PTPRR: variants seen among roughly 807,000 people sequenced by gnomAD.
The protein encoded by PTPRR is protein tyrosine phosphatase receptor type R, also known as receptor-type tyrosine-protein phosphatase R.
A neutral mutation model predicts 77.2 loss-of-function variants in PTPRR; 38 were observed. The observed-to-expected ratio is 0.49, with a 90% confidence interval of 0.38 to 0.65. The LOEUF (loss-of-function observed/expected upper bound fraction) is 0.65, where lower values mean the gene tolerates loss of function less well. Ranked by LOEUF, PTPRR falls within the 30% of genes least tolerant of loss-of-function variation. The pLI is 0.00. For synonymous variants in PTPRR, 299 were observed against 283.1 expected, an observed-to-expected ratio of 1.06 and a Z score of -0.57; for missense variants, 744 against 799.2, an observed-to-expected ratio of 0.93 and a Z score of 0.83.
chr12:70,785,065 C>G (rs1592756326), intron 2 of PTPRR, among the ~76,000 whole-genome samples: 1 of 152,152 alleles, frequency 6.6e-6, no homozygotes, highest in Admixed American at 6.5e-5. Context: ...ATTTTAAGAA[C>G]AGTTTTTGAA....
chr12:70,853,505 G>C (rs1034464506), intron 2 of PTPRR, among the ~76,000 whole-genome samples: 7 of 152,176 alleles, frequency 4.6e-5, no homozygotes, highest in Admixed American at 4.6e-4. Context: ...ACTGCCTTTG[G>C]CCCTTGCCCA....
At chr12:70,894,877 T>TA (rs1893400108) in intron 1 of PTPRR, among the ~76,000 whole-genome samples, 1 of 151,818 alleles carries the variant, frequency 6.6e-6, no homozygotes, top group South Asian at 2.1e-4. Context: ...TTGATTGTTT[T>TA]AAAAAAGTTA....
chr12:70,652,581 C>A (rs1417196390), intron 13 of PTPRR, among the ~76,000 whole-genome samples: 1 of 152,148 alleles, frequency 6.6e-6, no homozygotes, highest in Non-Finnish European at 1.5e-5. Flanking sequence ...TATTGGCAGT[C>A]ATTCAAACTC....
chr12:70,841,799 GTA>G (rs1467470277), intron 2 of PTPRR, among the ~76,000 whole-genome samples: 4 of 151,952 alleles, frequency 2.6e-5, no homozygotes, highest in African/African-American at 7.3e-5. Flanking sequence ...ATTTCTCATG[GTA>G]TTAGTTTTCA....
At chr12:70,869,738 G>A (rs1368639125) in intron 2 of PTPRR, among the ~76,000 whole-genome samples, 1 of 152,122 alleles carries the variant, frequency 6.6e-6, no homozygotes, top group African/African-American at 2.4e-5. Context: ...GGGACCATTA[G>A]CCAAGGAATG....
At chr12:70,685,830 C>T (rs2136739567) in intron 8 of PTPRR, among the ~76,000 whole-genome samples, 1 of 152,086 alleles carries the variant, frequency 6.6e-6, no homozygotes, top group East Asian at 1.9e-4. Context: ...AATAAAAGTA[C>T]CTAAGATAAT....
chr12:70,846,016 T>C (rs1385045181), intron 2 of PTPRR, among the ~76,000 whole-genome samples: 1 of 152,014 alleles, frequency 6.6e-6, no homozygotes, highest in Non-Finnish European at 1.5e-5. Context: ...AAATAAAATA[T>C]AGACCAAGAA....
chr12:70,662,736 G>A, intron 10 of PTPRR, 131 bp from the exon 11 acceptor site: 1 of 539,096 alleles, frequency 1.9e-6, no homozygotes, highest in Non-Finnish European at 3.2e-6. Context: ...TTATAGTTTT[G>A]TAAATATACT....
At chr12:70,740,377 T>A (rs1890008986) in intron 6 of PTPRR, among the ~76,000 whole-genome samples, 1 of 151,844 alleles carries the variant, frequency 6.6e-6, no homozygotes, top group Non-Finnish European at 1.5e-5. Flanking sequence ...TTTCTCTTTT[T>A]TTTTTTTCTT....
chr12:70,741,879 T>C (rs73132558), intron 6 of PTPRR, among the ~76,000 whole-genome samples: 3,754 of 152,212 alleles, frequency 0.025, 68 homozygotes, highest in Middle Eastern at 0.044. Context: ...CTGGAAAGTG[T>C]TTCTGGGGGA....
intron 10 of PTPRR, among the ~76,000 whole-genome samples, chr12:70,666,464 T>G (rs1431526578): frequency 1.3e-5 from 2 of 152,208 alleles, no homozygotes; most frequent in Non-Finnish European, 2.9e-5. Context: ...GTGTACTTAT[T>G]ATTGAAGTCC....
intron 13 of PTPRR, among the ~76,000 whole-genome samples, chr12:70,640,759 A>G (rs138124280): frequency 0.011 from 1,693 of 152,364 alleles, 21 homozygotes; most frequent in Non-Finnish European, 0.017. Context: ...TAATGGTAAT[A>G]ATAAAAACTG....
At chr12:70,826,869 C>T (rs1160353053) in intron 2 of PTPRR, among the ~76,000 whole-genome samples, 1 of 152,198 alleles carries the variant, frequency 6.6e-6, no homozygotes, top group Non-Finnish European at 1.5e-5. Context: ...CTCCTCTACC[C>T]TTTAATCACT....
chr12:70,831,279 G>A (rs1037451075), intron 2 of PTPRR, among the ~76,000 whole-genome samples: 12 of 152,154 alleles, frequency 7.9e-5, no homozygotes, highest in African/African-American at 2.7e-4. Context: ...TGAATTTGGT[G>A]GTAGGAGTTA....
intron 6 of PTPRR, among the ~76,000 whole-genome samples, chr12:70,741,806 C>A (rs1475469987): frequency 6.6e-6 from 1 of 152,046 alleles, no homozygotes; most frequent in Admixed American, 6.5e-5. Context: ...CACCGCTGAG[C>A]CCTGGGAAGT....
chr12:70,685,627 A>G (rs1887836654), intron 8 of PTPRR, among the ~76,000 whole-genome samples: 1 of 152,032 alleles, frequency 6.6e-6, no homozygotes. Flanking sequence ...TCCAGCCTGG[A>G]CAACAGAGGG....
chr12:70,723,133 T>A (rs918032447), intron 6 of PTPRR, among the ~76,000 whole-genome samples: 4 of 152,118 alleles, frequency 2.6e-5, no homozygotes, highest in African/African-American at 9.7e-5. Flanking sequence ...GCAAGCACAA[T>A]CAACATCTGA....
chr12:70,872,694 CAAAAAAAAAAAA>C (rs377557224), intron 2 of PTPRR, among the ~76,000 whole-genome samples: 4 of 43,440 alleles, frequency 9.2e-5, no homozygotes, highest in Non-Finnish European at 1.5e-4. Flanking sequence ...GACTCTGTCT[CAAAAAAAAAAAA>C]AAAAAAAAAA....
At chr12:70,718,385 C>A (rs1889114889) in intron 6 of PTPRR, among the ~76,000 whole-genome samples, 1 of 152,132 alleles carries the variant, frequency 6.6e-6, no homozygotes, top group Non-Finnish European at 1.5e-5. Context: ...CCTGCCTCAG[C>A]CTCCCGAGTA....
Sources: gnomAD v4.1 joint callset for allele counts (sites outside exome capture counted in the v4.1 genomes callset) on GRCh38, gnomAD v4.1.1 for gene constraint, MANE v1.5 for transcripts, NCBI Gene and HGNC (gene_info 2026-07-23, HGNC 2026-07-21) for gene names.